Variants in MPPED2 observed in about 807,000 individuals in gnomAD.
MPPED2 encodes the protein metallophosphoesterase MPPED2.
In MPPED2, 5 loss-of-function variants were observed where a neutral mutation model predicts 33.0. The ratio of observed to expected loss-of-function variants is 0.15; its 90% CI spans 0.08 to 0.32. MPPED2 has a LOEUF of 0.32. Ranked by LOEUF, MPPED2 falls within the 10% of genes least tolerant of loss-of-function variation. The pLI is 1.00. For missense variants in MPPED2, 275 were observed against 372.1 expected (o/e 0.74, Z 2.15); for synonymous variants, 136 against 141.9 (o/e 0.96, Z 0.29).
At chr11:30,556,723 T>C (rs1294142122) in intron 2 of MPPED2, among the ~76,000 whole-genome samples, 1 of 152,166 alleles carries the variant, frequency 6.6e-6, no homozygotes, top group Non-Finnish European at 1.5e-5. Context: ...TATAATATAT[T>C]ACAACAATTA....
At chr11:30,583,625 G>A (rs567781279) in intron 1 of MPPED2, among the ~76,000 whole-genome samples, 1 of 152,050 alleles carries the variant, frequency 6.6e-6, no homozygotes, top group Non-Finnish European at 1.5e-5. Context: ...TCTTTTCCAG[G>A]AATCTAGTTG....
intron 2 of MPPED2, among the ~76,000 whole-genome samples, chr11:30,555,822 C>A (rs1955940354): frequency 6.6e-6 from 1 of 152,030 alleles, no homozygotes; most frequent in African/African-American, 2.4e-5. Context: ...GTCTATGAAC[C>A]AATGAAAAAA....
chr11:30,529,557 C>T (rs1954398474), intron 3 of MPPED2, among the ~76,000 whole-genome samples: 1 of 151,976 alleles, frequency 6.6e-6, no homozygotes, highest in Admixed American at 6.6e-5. Flanking sequence ...TTATAGAAGA[C>T]ATTCTACATG....
intron 2 of MPPED2, among the ~76,000 whole-genome samples, chr11:30,566,237 T>G (rs1382602003): frequency 2.0e-5 from 3 of 152,168 alleles, no homozygotes; most frequent in African/African-American, 7.2e-5. Flanking sequence ...TGACTCCAAA[T>G]ATGATCAATA....
chr11:30,524,438 T>C (rs1301419506), intron 3 of MPPED2, among the ~76,000 whole-genome samples: 1 of 152,128 alleles, frequency 6.6e-6, no homozygotes, highest in Non-Finnish European at 1.5e-5. Flanking sequence ...CATCTGTTCA[T>C]GGTTCCTAAA....
intron 3 of MPPED2, among the ~76,000 whole-genome samples, chr11:30,509,390 T>C (rs1442681027): frequency 2.0e-5 from 3 of 152,216 alleles, no homozygotes; most frequent in African/African-American, 7.2e-5. Context: ...TTCCAGCCTT[T>C]GTTCCCGGTA....
chr11:30,426,591 A>G (rs1480215762), intron 4 of MPPED2, among the ~76,000 whole-genome samples: 1 of 152,208 alleles, frequency 6.6e-6, no homozygotes, highest in East Asian at 1.9e-4. Context: ...GGATGCCTAT[A>G]ATGAGCCAGG....
At chr11:30,432,427 C>A (rs1264582762) in intron 4 of MPPED2, among the ~76,000 whole-genome samples, 1 of 152,068 alleles carries the variant, frequency 6.6e-6, no homozygotes, top group South Asian at 2.1e-4. Context: ...AAAAATAAAG[C>A]AGGTTATAGT....
At chr11:30,471,711 C>G (rs533174934) in intron 4 of MPPED2, among the ~76,000 whole-genome samples, 1 of 152,280 alleles carries the variant, frequency 6.6e-6, no homozygotes, top group East Asian at 1.9e-4. Context: ...ATTCCCAGCA[C>G]CTAGGACTGT....
At chr11:30,577,481 C>T (rs1328144356) in intron 2 of MPPED2, among the ~76,000 whole-genome samples, 1 of 152,194 alleles carries the variant, frequency 6.6e-6, no homozygotes, top group African/African-American at 2.4e-5. Context: ...AATATCTTTA[C>T]CTCGGGGAGA....
intron 4 of MPPED2, among the ~76,000 whole-genome samples, chr11:30,488,616 T>C (rs1951840387): frequency 6.6e-6 from 1 of 152,184 alleles, no homozygotes; most frequent in Admixed American, 6.5e-5. Context: ...CGGTTTTGCT[T>C]TCTCCTTTTT....
At chr11:30,467,497 A>G (rs7115139) in intron 4 of MPPED2, among the ~76,000 whole-genome samples, 36,936 of 152,034 alleles carry the variant, frequency 0.24, 7,265 homozygotes, top group African/African-American at 0.55. Flanking sequence ...AGGGCCCAGT[A>G]CCTGATGGAT....
At chr11:30,445,827 C>G (rs1013574214) in intron 4 of MPPED2, among the ~76,000 whole-genome samples, 2 of 152,164 alleles carry the variant, frequency 1.3e-5, no homozygotes, top group African/African-American at 4.8e-5. Context: ...TTTTAGGTAT[C>G]TATGTTTTGT....
At chr11:30,518,029 T>TTA (rs397828494) in intron 3 of MPPED2, among the ~76,000 whole-genome samples, 1 of 151,522 alleles carries the variant, frequency 6.6e-6, no homozygotes, top group East Asian at 1.9e-4. Context: ...ATGACATTTT[T>TTA]AAAAAAACAA....
At chr11:30,509,208 G>T (rs1437149019) in intron 3 of MPPED2, among the ~76,000 whole-genome samples, 1 of 152,118 alleles carries the variant, frequency 6.6e-6, no homozygotes, top group Non-Finnish European at 1.5e-5. Context: ...AGGCAAAAGA[G>T]GGCAAAGAAG....
chr11:30,420,953 G>A (rs541627998), intron 4 of MPPED2, among the ~76,000 whole-genome samples: 3 of 152,138 alleles, frequency 2.0e-5, no homozygotes, highest in African/African-American at 7.2e-5. Context: ...TGAAAACTCA[G>A]TGAGCATTTT....
At chr11:30,401,380 T>A (rs1947906483) in intron 6 of MPPED2, among the ~76,000 whole-genome samples, 1 of 152,320 alleles carries the variant, frequency 6.6e-6, no homozygotes, top group Admixed American at 6.5e-5. Flanking sequence ...AGGAGGGCCT[T>A]ATGATATCAT....
intron 2 of MPPED2, among the ~76,000 whole-genome samples, chr11:30,556,686 A>G (rs1955977742): frequency 6.6e-6 from 1 of 152,184 alleles, no homozygotes; most frequent in Admixed American, 6.5e-5. Flanking sequence ...AAATGGGAAT[A>G]ACACCACTCA....
chr11:30,545,347 G>T (rs968295910), intron 2 of MPPED2, among the ~76,000 whole-genome samples: 3 of 152,054 alleles, frequency 2.0e-5, no homozygotes, highest in Admixed American at 2.0e-4. Flanking sequence ...GAATGTGAAG[G>T]CAACAGGAAA....
Sources: gnomAD v4.1 joint callset for allele counts (sites outside exome capture counted in the v4.1 genomes callset) on GRCh38, gnomAD v4.1.1 for gene constraint, MANE v1.5 for transcripts, NCBI Gene and HGNC (gene_info 2026-07-23, HGNC 2026-07-21) for gene names.